ENTREP2: variants seen among roughly 807,000 people sequenced by gnomAD.
The protein encoded by ENTREP2 is endosomal transmembrane epsin interactor 2.
chr15:29,148,254 C>T, the ENTREP2 span, among the ~76,000 whole-genome samples: 5 of 152,080 alleles, frequency 3.3e-5, no homozygotes, highest in African/African-American at 9.7e-5. Context: ...ATATTAAAAC[C>T]GCTGAATTTT....
chr15:29,123,492 G>C, the ENTREP2 span: 1 of 1,551,700 alleles, frequency 6.4e-7, no homozygotes, highest in Non-Finnish European at 8.7e-7. Context: ...CCAAAACCCT[G>C]GCATCCGCAT....
At chr15:29,256,626 T>C in the ENTREP2 span, among the ~76,000 whole-genome samples, 3 of 152,192 alleles carry the variant, frequency 2.0e-5, no homozygotes, top group African/African-American at 7.2e-5. Context: ...ACTCACATGG[T>C]TCCTTTATAT....
chr15:29,450,979 T>G, the ENTREP2 span, among the ~76,000 whole-genome samples: 2 of 150,658 alleles, frequency 1.3e-5, no homozygotes, highest in Non-Finnish European at 3.0e-5. Context: ...GAGAGAGAGA[T>G]TCAGGAAAAA....
the ENTREP2 span, among the ~76,000 whole-genome samples, chr15:29,518,560 C>G: frequency 6.6e-6 from 1 of 152,118 alleles, no homozygotes; most frequent in Non-Finnish European, 1.5e-5. Context: ...CAGGACAGTC[C>G]TTCTGGACCC....
chr15:29,409,491 A>G, the ENTREP2 span, among the ~76,000 whole-genome samples: 29 of 151,890 alleles, frequency 1.9e-4, no homozygotes, highest in African/African-American at 7.0e-4. Context: ...ACACCCGGCT[A>G]ATTTTTGTAT....
At chr15:29,296,674 T>C in the ENTREP2 span, among the ~76,000 whole-genome samples, 1 of 152,226 alleles carries the variant, frequency 6.6e-6, no homozygotes, top group African/African-American at 2.4e-5. Flanking sequence ...GTAATCCTAG[T>C]TACAGTAACA....
the ENTREP2 span, chr15:29,234,294 G>A: frequency 6.2e-7 from 1 of 1,611,854 alleles, no homozygotes; most frequent in East Asian, 2.2e-5. Flanking sequence ...TCATCTTTCG[G>A]GTCAAAAAGA....
the ENTREP2 span, among the ~76,000 whole-genome samples, chr15:29,636,673 T>G: frequency 2.0e-5 from 3 of 152,188 alleles, no homozygotes; most frequent in Non-Finnish European, 4.4e-5. Context: ...ACCAACATAA[T>G]TTTTTCTCTC....
At chr15:29,281,563 G>A in the ENTREP2 span, among the ~76,000 whole-genome samples, 1 of 152,210 alleles carries the variant, frequency 6.6e-6, no homozygotes, top group African/African-American at 2.4e-5. Context: ...GTAGAGCTAA[G>A]CCACCACATC....
the ENTREP2 span, among the ~76,000 whole-genome samples, chr15:29,588,544 A>AG: frequency 1.1e-3 from 22 of 19,808 alleles, no homozygotes; most frequent in South Asian, 3.3e-3. Context: ...AAGAGAAAGA[A>AG]AGAGAGAGAG....
chr15:29,613,199 T>C, the ENTREP2 span: 2 of 165,966 alleles, frequency 1.2e-5, no homozygotes, highest in Middle Eastern at 2.7e-3. Flanking sequence ...TCCTTGTTGA[T>C]AGACCTGCAA....
chr15:29,225,582 C>G, the ENTREP2 span, among the ~76,000 whole-genome samples: 1 of 152,112 alleles, frequency 6.6e-6, no homozygotes, highest in Non-Finnish European at 1.5e-5. Flanking sequence ...CACCAAGTGC[C>G]CCAGTCATGA....
the ENTREP2 span, among the ~76,000 whole-genome samples, chr15:29,370,589 C>G: frequency 6.6e-6 from 1 of 151,926 alleles, no homozygotes; most frequent in African/African-American, 2.4e-5. Flanking sequence ...CAAGTGCACC[C>G]TAGAAAGCCA....
At chr15:29,228,876 T>C in the ENTREP2 span, among the ~76,000 whole-genome samples, 1 of 152,146 alleles carries the variant, frequency 6.6e-6, no homozygotes, top group African/African-American at 2.4e-5. Flanking sequence ...AGATCACAAA[T>C]GTAAAAAAAT....
At chr15:29,546,891 AAAAAAACAACAAC>A in the ENTREP2 span, among the ~76,000 whole-genome samples, 5,109 of 114,394 alleles carry the variant, frequency 0.045, 506 homozygotes, top group African/African-American at 0.18. Flanking sequence ...CATCTCAAAA[AAAAAAACAACAAC>A]AAAAAAAAAA....
At chr15:29,400,736 C>A in the ENTREP2 span, among the ~76,000 whole-genome samples, 1 of 152,178 alleles carries the variant, frequency 6.6e-6, no homozygotes, top group Non-Finnish European at 1.5e-5. Context: ...AAAATGTATA[C>A]GTTTATGGCT....
the ENTREP2 span, among the ~76,000 whole-genome samples, chr15:29,618,140 G>A: frequency 6.6e-6 from 1 of 152,140 alleles, no homozygotes; most frequent in Admixed American, 6.6e-5. Flanking sequence ...TGTTTTCACA[G>A]AGGCCGGGCG....
the ENTREP2 span, among the ~76,000 whole-genome samples, chr15:29,135,001 G>A: frequency 3.3e-5 from 5 of 152,012 alleles, no homozygotes; most frequent in Admixed American, 6.5e-5. The surrounding 1 kb of genome is among the most constrained non-coding windows in gnomAD (Gnocchi z 7.4). Context: ...GGGGCTCCAC[G>A]GCTGCTGAGA....
At chr15:29,146,224 A>G in the ENTREP2 span, among the ~76,000 whole-genome samples, 15 of 152,220 alleles carry the variant, frequency 9.9e-5, no homozygotes, top group Admixed American at 7.2e-4. Context: ...TAAGATGACA[A>G]TATTCCTGAA....
Sources: allele counts gnomAD v4.1 joint callset (sites outside exome capture counted in the v4.1 genomes callset), GRCh38; gene constraint gnomAD v4.1.1; non-coding constraint Gnocchi (gnomAD v3.1); transcripts MANE v1.5; gene names NCBI Gene and HGNC (gene_info 2026-07-23, HGNC 2026-07-21).